The following SRPRA variants were observed in gnomAD, a reference collection of about 807,000 sequenced individuals.
The protein encoded by SRPRA is signal recognition particle receptor subunit alpha.
A neutral mutation model predicts 61.1 loss-of-function variants in SRPRA; 30 were observed. The ratio of observed to expected loss-of-function variants is 0.49; its 90% CI spans 0.37 to 0.67. The LOEUF is 0.67. Ranked by LOEUF, SRPRA falls within the 30% of genes least tolerant of loss-of-function variation. SRPRA has a pLI of 0.00. For missense variants in SRPRA, 759 were observed against 828.4 expected, an observed-to-expected ratio of 0.92 and a Z score of 1.03; for synonymous variants, 324 against 299.7, an observed-to-expected ratio of 1.08 and a Z score of -0.84.
At chr11:126,254,317 G>A in the SRPRA span, 1 of 1,614,072 alleles carries the variant, frequency 6.2e-7, no homozygotes, top group Non-Finnish European at 8.5e-7. Context: ...CCTCGAGTGG[G>A]CTCAGGAGAA....
At chr11:126,254,184 A>T in the SRPRA span, 43 of 1,224,004 alleles carry the variant, frequency 3.5e-5, no homozygotes, top group African/African-American at 5.3e-4. Context: ...CTTGTCCTAT[A>T]TCATGAAGCT....
chr11:126,264,952 A>G lies in SRPRA; in HGVS notation c.1525+7T>C. On this transcript the variant is annotated splice_region_variant and intron_variant, in intron 11 of 13. Coordinates refer to ENST00000332118, the MANE Select transcript of SRPRA (RefSeq NM_003139.4). The surrounding 1 kb of genome is among the most constrained non-coding windows in gnomAD (Gnocchi z 5.0). Reference sequence around the variant, plus strand: ...AAATAAGCCCCCACACTTCCCATGCACTGTACCAAAAGCAATGGCTTCCAT... The same window carrying G: ...AAATAAGCCCCCACACTTCCCATGCGCTGTACCAAAAGCAATGGCTTCCAT... 1 of 1,613,172 alleles carries G rather than the reference A, an allele frequency of 6.2e-7. No homozygotes were observed. The highest frequency in any genetic ancestry group is 8.5e-7 in the Non-Finnish European group (1 of 1,179,856).
the SRPRA span, among the ~76,000 whole-genome samples, chr11:126,253,043 CAAACA>C: frequency 6.6e-6 from 1 of 152,142 alleles, no homozygotes; most frequent in Non-Finnish European, 1.5e-5. The surrounding 1 kb of genome is among the most constrained non-coding windows in gnomAD (Gnocchi z 5.1). Context: ...TAAAAACAAA[CAAACA>C]AATGATTGAA....
the SRPRA span, among the ~76,000 whole-genome samples, chr11:126,242,452 C>T: frequency 4.8e-3 from 733 of 152,088 alleles, 4 homozygotes; most frequent in African/African-American, 0.017. Context: ...AGTGAAAAGA[C>T]AGCTTCCAGA....
At chr11:126,243,339 C>T in the SRPRA span, among the ~76,000 whole-genome samples, 1 of 151,918 alleles carries the variant, frequency 6.6e-6, no homozygotes, top group Non-Finnish European at 1.5e-5. Context: ...TGGTTCAGGC[C>T]TGTAAGCCCA....
chr11:126,237,779 C>T, the SRPRA span, among the ~76,000 whole-genome samples: 94 of 143,848 alleles, frequency 6.5e-4, no homozygotes, highest in East Asian at 0.017. Flanking sequence ...ATCACTTGAA[C>T]CTGGGAGGCG....
the SRPRA span, chr11:126,256,739 G>C: frequency 6.2e-7 from 1 of 1,614,060 alleles, no homozygotes; most frequent in Non-Finnish European, 8.5e-7. The surrounding 1 kb of genome is among the most constrained non-coding windows in gnomAD (Gnocchi z 6.6). Flanking sequence ...AAAAAGCTTC[G>C]AGAAAACATG....
chr11:126,258,256 C>G (rs2135218695), downstream of SRPRA, among the ~76,000 whole-genome samples: 1 of 152,040 alleles, frequency 6.6e-6, no homozygotes, highest in Admixed American at 6.6e-5. Flanking sequence ...GGTGTGGTGG[C>G]ACACACCTGT....
chr11:126,255,187 GA>G, the SRPRA span, among the ~76,000 whole-genome samples: 1 of 152,264 alleles, frequency 6.6e-6, no homozygotes, highest in Admixed American at 6.5e-5. This position sits in a 1 kb window ranked among gnomAD's most constrained non-coding sequence, Gnocchi z 4.6. Context: ...TACTCTTTGT[GA>G]AAAGCTTATT....
chr11:126,237,201 C>G, the SRPRA span, among the ~76,000 whole-genome samples: 1 of 144,460 alleles, frequency 6.9e-6, no homozygotes, highest in Non-Finnish European at 1.5e-5. Flanking sequence ...CAGACGTGAG[C>G]CACCGCGCCT....
chr11:126,237,717 C>T, the SRPRA span, among the ~76,000 whole-genome samples: 5 of 138,726 alleles, frequency 3.6e-5, no homozygotes, highest in South Asian at 2.3e-4. Context: ...ATTAGCGGGG[C>T]GTGGTGGCGC....
At chr11:126,251,828 A>G in the SRPRA span, among the ~76,000 whole-genome samples, 13 of 150,144 alleles carry the variant, frequency 8.7e-5, no homozygotes, top group Non-Finnish European at 1.5e-4. Context: ...GATTACAGGC[A>G]TGTGCCACAA....
the SRPRA span, among the ~76,000 whole-genome samples, chr11:126,236,170 T>C: frequency 6.6e-6 from 1 of 152,234 alleles, no homozygotes; most frequent in Non-Finnish European, 1.5e-5. Context: ...ACATCTCTCC[T>C]GTATCGATTC....
At chr11:126,250,062 G>A in the SRPRA span, among the ~76,000 whole-genome samples, 3 of 150,912 alleles carry the variant, frequency 2.0e-5, no homozygotes, top group Non-Finnish European at 2.9e-5. This position sits in a 1 kb window ranked among gnomAD's most constrained non-coding sequence, Gnocchi z 5.1. Flanking sequence ...TATTACGTTC[G>A]TATGAGATAG....
In SRPRA at chr11:126,268,067, G is replaced by C; in HGVS notation, c.137C>G (p.Ser46Cys). The C allele has an allele frequency of 6.2e-7, 1 of 1,614,086 alleles. No individual in the cohort carries two copies. Among genetic ancestry groups the C allele is most frequent in the East Asian group, 2.2e-5 (1 of 44,878 alleles). The change falls in exon 2 of 14, where the codon TCC (serine) becomes TGC (cysteine). Residue 46 changes from serine (S) to cysteine (C), a missense_variant. By Grantham distance (112) the Ser-to-Cys change is moderately radical. Coordinates refer to ENST00000332118, the MANE Select transcript of SRPRA (RefSeq NM_003139.4). ...GAGTGTGAGTGCCTCATGGGTGAAG[G>C]AGTTGTTACCTCCCCGTTCCTGGAG... ...VLLQERGGNNSFTHEALTLKY... is the reference protein window; with the variant it reads ...VLLQERGGNNCFTHEALTLKY...
the SRPRA span, among the ~76,000 whole-genome samples, chr11:126,249,087 A>T: frequency 6.6e-6 from 1 of 152,188 alleles, no homozygotes; most frequent in African/African-American, 2.4e-5. Context: ...GTTAAGAAGT[A>T]GGAGGTCTGG....
chr11:126,267,089 C>A lies in SRPRA; in HGVS notation c.526+86G>T. The stretch of plus-strand genomic sequence containing the variant: ...ACCATTTGAGTGAGAAGCAGGTAAG[C>A]AATGACAAAAGGAAGGACCACCTCA... On this transcript the variant is annotated intron_variant, in intron 4 of 13. Coordinates refer to ENST00000332118, the MANE Select transcript of SRPRA (RefSeq NM_003139.4). The surrounding 1 kb of genome is among the most constrained non-coding windows in gnomAD (Gnocchi z 4.2). The A allele has an allele frequency of 6.4e-7, 1 of 1,556,048 alleles. No homozygotes were observed. The highest frequency in any genetic ancestry group is 8.7e-7 in the Non-Finnish European group (1 of 1,146,362).
At position 126,266,258 on chromosome 11, in the gene SRPRA, C is replaced by G. The variant is rs1472009126; in HGVS notation, c.861G>C (p.Gly287=). 6.2e-7 allele frequency: 1 copy of G among 1,614,162 alleles called. No individual in the cohort carries two copies. Among genetic ancestry groups the G allele is most frequent in the Admixed American group, 1.7e-5 (1 of 60,030 alleles). ...DINLIRGTGS[G]GQLQDLDCSS... ...TGCAGTCCAGATCCTGAAGCTGCCC[C>G]CCAGACCCAGTCCCTCGAATCTGGA... The change falls in exon 7 of 14, where the codon GGG becomes GGC. Residue 287 remains glycine (G), a synonymous_variant. Transcript: ENST00000332118.
At chr11:126,258,266 T>C (rs1458187803), downstream of SRPRA, among the ~76,000 whole-genome samples, 3 of 151,982 alleles carry the variant, frequency 2.0e-5, no homozygotes, top group Non-Finnish European at 4.4e-5. Flanking sequence ...CACACACCTG[T>C]AGTCCAGCTG....
Sources: allele counts gnomAD v4.1 joint callset (sites outside exome capture counted in the v4.1 genomes callset), GRCh38; gene constraint gnomAD v4.1.1; non-coding constraint Gnocchi (gnomAD v3.1); transcripts MANE v1.5; gene names NCBI Gene and HGNC (gene_info 2026-07-23, HGNC 2026-07-21).